RORA: variants seen among roughly 807,000 people sequenced by gnomAD.
RORA encodes nuclear receptor ROR-alpha.
Under a neutral mutation model 69.5 loss-of-function variants are expected in RORA, and 7 were observed. The ratio of observed to expected loss-of-function variants is 0.10; its 90% CI spans 0.06 to 0.19. The LOEUF is 0.19. Ranked by LOEUF, RORA falls within the 10% of genes least tolerant of loss-of-function variation. The probability of loss-of-function intolerance (pLI) is 1.00; values close to 1 mark genes in which losing one functional copy is unlikely to be tolerated. For missense variants in RORA, 457 were observed against 663.0 expected (o/e 0.69, Z 3.41); for synonymous variants, 261 against 240.8 (o/e 1.08, Z -0.78).
intron 1 of RORA, among the ~76,000 whole-genome samples, chr15:60,955,612 C>T (rs930652922): frequency 6.6e-6 from 1 of 152,170 alleles, no homozygotes; most frequent in South Asian, 2.1e-4. Context: ...TAAGAACTCA[C>T]ATTTATACAG....
intron 1 of RORA, among the ~76,000 whole-genome samples, chr15:60,744,450 C>T (rs1437312287): frequency 2.0e-5 from 3 of 152,088 alleles, no homozygotes; most frequent in African/African-American, 4.8e-5. Context: ...AGGCATCTTG[C>T]CATAGTTACA....
chr15:61,176,511 T>C (rs2079630827), intron 1 of RORA: 1 of 152,132 alleles, frequency 6.6e-6, no homozygotes. Context: ...GGGATCTTGC[T>C]ATGCTGCCCA....
intron 2 of RORA, among the ~76,000 whole-genome samples, chr15:60,675,666 A>C (rs916538136): frequency 2.0e-5 from 3 of 152,186 alleles, no homozygotes; most frequent in African/African-American, 4.8e-5. Flanking sequence ...ATTTCCCTTC[A>C]TGGGAATTTC....
intron 1 of RORA, among the ~76,000 whole-genome samples, chr15:60,714,935 G>A (rs1455782133): frequency 6.6e-6 from 1 of 152,170 alleles, no homozygotes; most frequent in Admixed American, 6.5e-5. Flanking sequence ...AGAGTTGAGA[G>A]ACTATGACCA....
At chr15:61,059,988 G>GAAGAAGAAGAAGAAGAA (rs2078155698) in intron 1 of RORA, among the ~76,000 whole-genome samples, 10 of 85,944 alleles carry the variant, frequency 1.2e-4, no homozygotes, top group Non-Finnish European at 1.6e-4. Context: ...AAGAGGAAGA[G>GAAGAAGAAGAAGAAGAA]GAAGAAGAAG....
chr15:60,821,157 C>A (rs984252568), intron 1 of RORA, among the ~76,000 whole-genome samples: 1 of 152,196 alleles, frequency 6.6e-6, no homozygotes, highest in Non-Finnish European at 1.5e-5. Flanking sequence ...TTAGGCTGTA[C>A]AAGGGATCCA....
chr15:60,831,965 C>T (rs949409380), intron 1 of RORA, among the ~76,000 whole-genome samples: 4 of 152,186 alleles, frequency 2.6e-5, no homozygotes, highest in African/African-American at 9.7e-5. Context: ...ACAACCTGAC[C>T]TTCTGGGACA....
At chr15:61,218,003 C>G (rs2080056540) in intron 1 of RORA, among the ~76,000 whole-genome samples, 4 of 152,254 alleles carry the variant, frequency 2.6e-5, no homozygotes, top group African/African-American at 9.6e-5. Context: ...GGGCCATGGT[C>G]CCCCAGAAAG....
intron 1 of RORA, among the ~76,000 whole-genome samples, chr15:60,744,183 A>C (rs74716413): frequency 0.018 from 2,798 of 152,198 alleles, 99 homozygotes; most frequent in African/African-American, 0.064. Flanking sequence ...TTTTTCAGAA[A>C]ATCTGCCGTA....
At position 60,532,085 on chromosome 15, in the gene RORA, A is replaced by C. The variant is rs1427361184; in HGVS notation, c.197-234T>G. Among the ~76,000 whole-genome samples, 3 of 152,236 alleles carry C rather than the reference A, an allele frequency of 2.0e-5. No homozygotes were observed. In the East Asian group the frequency reaches 5.8e-4, roughly 29 times the overall value. ...TGGGTCATTTGAGAAGGTGTTTAAG[A>C]ACCCACAAGAAGACTGGAATCAGCA... is the stretch of plus-strand genomic sequence containing the variant. On this transcript the variant is annotated intron_variant, in intron 2 of 10. Transcript: ENST00000335670.
intron 2 of RORA, among the ~76,000 whole-genome samples, chr15:60,602,026 C>A (rs1450016946): frequency 6.6e-6 from 1 of 152,094 alleles, no homozygotes; most frequent in East Asian, 1.9e-4. Context: ...GCCTTAAGTA[C>A]GTAATAGTCT....
At chr15:60,612,132 C>A (rs1011094560) in intron 2 of RORA, among the ~76,000 whole-genome samples, 2 of 152,158 alleles carry the variant, frequency 1.3e-5, no homozygotes, top group African/African-American at 4.8e-5. Flanking sequence ...GTTCTGAGAT[C>A]ATGTATTAAG....
At chr15:61,034,993 AC>A (rs1316852132) in intron 1 of RORA, among the ~76,000 whole-genome samples, 2 of 152,206 alleles carry the variant, frequency 1.3e-5, no homozygotes, top group African/African-American at 4.8e-5. Context: ...CACATAAAAA[AC>A]AATGGAAAAT....
chr15:60,894,875 C>T (rs1891188146), intron 1 of RORA, among the ~76,000 whole-genome samples: 1 of 152,184 alleles, frequency 6.6e-6, no homozygotes. Context: ...TGCACAGGCA[C>T]AGCAGGCAAG....
intron 1 of RORA, among the ~76,000 whole-genome samples, chr15:61,218,674 T>A (rs369230941): frequency 1.6e-3 from 227 of 142,944 alleles, no homozygotes; most frequent in Middle Eastern, 3.5e-3. Context: ...CTAATATAAC[T>A]CACACACACA....
chr15:60,502,065 C>T (rs1348661375), intron 8 of RORA, among the ~76,000 whole-genome samples: 1 of 152,210 alleles, frequency 6.6e-6, no homozygotes, highest in Non-Finnish European at 1.5e-5. Flanking sequence ...AGTTAAACCT[C>T]CACCTCCCGG....
At chr15:61,134,292 T>A (rs903705925) in intron 1 of RORA, among the ~76,000 whole-genome samples, 4 of 152,212 alleles carry the variant, frequency 2.6e-5, no homozygotes, top group African/African-American at 9.6e-5. Context: ...CAGTTTGATT[T>A]TAAAAAGATT....
intron 1 of RORA, among the ~76,000 whole-genome samples, chr15:61,114,796 A>G (rs1189750654): frequency 6.6e-6 from 1 of 152,066 alleles, no homozygotes; most frequent in Non-Finnish European, 1.5e-5. Flanking sequence ...TAGAGACCCA[A>G]CCGATATTTG....
chr15:61,136,893 T>C (rs548510257), intron 1 of RORA, among the ~76,000 whole-genome samples: 1 of 152,208 alleles, frequency 6.6e-6, no homozygotes, highest in African/African-American at 2.4e-5. Flanking sequence ...CAAGATGGCC[T>C]CAGCTTTACA....
Sources: gnomAD v4.1 joint callset for allele counts (sites outside exome capture counted in the v4.1 genomes callset) on GRCh38, gnomAD v4.1.1 for gene constraint, MANE v1.5 for transcripts, NCBI Gene and HGNC (gene_info 2026-07-23, HGNC 2026-07-21) for gene names.